TENM3: variants seen among roughly 807,000 people sequenced by gnomAD.
TENM3 encodes the protein teneurin transmembrane protein 3.
TENM3 carries 63 observed loss-of-function variants against 255.1 expected under a neutral mutation model. The observed-to-expected ratio is 0.25, with a 90% CI of 0.20 to 0.30. The LOEUF (loss-of-function observed/expected upper bound fraction) is 0.30, where lower values mean the gene tolerates loss of function less well. Ranked by LOEUF, TENM3 falls within the 10% of genes least tolerant of loss-of-function variation. The pLI is 1.00. For synonymous variants in TENM3, 1,306 were observed against 1,322.3 expected, an observed-to-expected ratio of 0.99 and a Z score of 0.27; for missense variants, 2,929 against 3,461.1, an observed-to-expected ratio of 0.85 and a Z score of 3.86.
chr4:182,071,731 G>A, the TENM3 span, among the ~76,000 whole-genome samples: 2 of 151,972 alleles, frequency 1.3e-5, no homozygotes, highest in South Asian at 2.1e-4. Flanking sequence ...ATGAACATTC[G>A]AATTGTTCTC....
chr4:182,025,580 T>C, the TENM3 span, among the ~76,000 whole-genome samples: 8 of 152,186 alleles, frequency 5.3e-5, no homozygotes, highest in African/African-American at 1.9e-4. Flanking sequence ...CCATTTTTAG[T>C]TTTTTGAGGC....
chr4:182,512,606 A>G (rs1737528696), intron 3 of TENM3, among the ~76,000 whole-genome samples: 1 of 152,202 alleles, frequency 6.6e-6, no homozygotes, highest in Non-Finnish European at 1.5e-5. Context: ...AAAACATTTG[A>G]TTATTACCTT....
Position 182,161,813 on chromosome 4 carries a change from A to G in TENM3, c.-76+17059A>G, listed in dbSNP as rs370642716. Among the ~76,000 whole-genome samples, 75 of 43,212 alleles carry G rather than the reference A, an allele frequency of 1.7e-3. 13 individuals are homozygous for G. Among genetic ancestry groups the G allele is most frequent in the East Asian group, 0.014 (9 of 624 alleles). 28.3% of individuals were successfully genotyped at this position (43,212 alleles called of 152,430 possible). ...TATATGTATATATATACACATATAT[A>G]TGTATATATATACACATATATATGT... On this transcript the variant is annotated intron_variant, in intron 1 of 2. Transcript: ENST00000512480.
chr4:181,850,114 T>C, the TENM3 span, among the ~76,000 whole-genome samples: 1 of 151,982 alleles, frequency 6.6e-6, no homozygotes, highest in East Asian at 1.9e-4. Flanking sequence ...CTTCCCATAT[T>C]TCCCAATTCA....
chr4:181,646,970 T>C, the TENM3 span, among the ~76,000 whole-genome samples: 1 of 152,162 alleles, frequency 6.6e-6, no homozygotes, highest in Non-Finnish European at 1.5e-5. Context: ...GGGAAATAAC[T>C]CATTATTTTA....
chr4:182,513,221 A>T (rs1255606223), intron 3 of TENM3, among the ~76,000 whole-genome samples: 1 of 152,200 alleles, frequency 6.6e-6, no homozygotes, highest in Non-Finnish European at 1.5e-5. Context: ...CTGCTATTAA[A>T]AGGCAAGTAA....
rs74960759 is a variant in TENM3, at chr4:182,401,608, T to G, written c.511+54679T>G. On this transcript the variant is annotated intron_variant, in intron 3 of 27. Coordinates refer to ENST00000511685, the MANE Select transcript of TENM3 (RefSeq NM_001080477.4). ...TCTGTTTTATCAAAATGGCTTTCAGTTTTTTTTCAGGTCCACAGATGAGTA... is the reference window on the plus strand; with the variant it reads ...TCTGTTTTATCAAAATGGCTTTCAGGTTTTTTTCAGGTCCACAGATGAGTA... Among the ~76,000 whole-genome samples the G allele has an allele frequency of 4.7e-3, 709 of 152,056 alleles. 10 individuals are homozygous for G. Among genetic ancestry groups the G allele is most frequent in the African/African-American group, 0.016 (666 of 41,462 alleles).
intron 19 of TENM3, among the ~76,000 whole-genome samples, chr4:182,745,500 G>A (rs774948785): frequency 1.1e-4 from 17 of 152,228 alleles, no homozygotes; most frequent in East Asian, 5.8e-4. Flanking sequence ...TTTAACAAGC[G>A]GGCCTATTCC....
At chr4:182,743,447 A>G (rs563712659) in intron 19 of TENM3, 28 bp downstream of exon 19, 37 of 1,606,624 alleles carry the variant, frequency 2.3e-5, no homozygotes, top group Non-Finnish European at 2.6e-5. Flanking sequence ...TTGGGCTTTT[A>G]ACCAAAGCTA....
intron 19 of TENM3, among the ~76,000 whole-genome samples, chr4:182,748,139 T>TA (rs1262790917): frequency 6.6e-6 from 1 of 152,240 alleles, no homozygotes; most frequent in Non-Finnish European, 1.5e-5. Flanking sequence ...GATGTCTTGA[T>TA]AATTGTGATG....
the TENM3 span, among the ~76,000 whole-genome samples, chr4:182,018,826 A>G: frequency 6.6e-6 from 1 of 152,218 alleles, no homozygotes; most frequent in Non-Finnish European, 1.5e-5. Flanking sequence ...CATGGTACAT[A>G]ACCTCATCTG....
the TENM3 span, among the ~76,000 whole-genome samples, chr4:181,544,846 G>A: frequency 6.6e-6 from 1 of 152,176 alleles, no homozygotes; most frequent in Non-Finnish European, 1.5e-5. Flanking sequence ...ACAGTGCTGT[G>A]AAAAACAGTG....
At chr4:181,523,109 AG>A in the TENM3 span, 3 of 465,372 alleles carry the variant, frequency 6.4e-6, no homozygotes. Context: ...CTATTTTGTT[AG>A]TTTAACATCA....
intron 6 of TENM3, among the ~76,000 whole-genome samples, chr4:182,667,121 A>G (rs1754762407): frequency 6.6e-6 from 1 of 152,158 alleles, no homozygotes; most frequent in Non-Finnish European, 1.5e-5. Flanking sequence ...GGAAATAGCC[A>G]CCATATAATT....
At chr4:181,924,119 C>T in the TENM3 span, among the ~76,000 whole-genome samples, 2 of 152,150 alleles carry the variant, frequency 1.3e-5, no homozygotes, top group African/African-American at 4.8e-5. Flanking sequence ...TGTCAAGTCT[C>T]TCTCTGGGAC....
At chr4:182,320,584 A>G (rs1762993684) in intron 1 of TENM3, among the ~76,000 whole-genome samples, 1 of 152,114 alleles carries the variant, frequency 6.6e-6, no homozygotes, top group Non-Finnish European at 1.5e-5. Flanking sequence ...CCTCATCATA[A>G]TCTTACTACA....
At chr4:181,454,233 A>G in the TENM3 span, among the ~76,000 whole-genome samples, 1 of 152,132 alleles carries the variant, frequency 6.6e-6, no homozygotes, top group Non-Finnish European at 1.5e-5. Flanking sequence ...CTACATCATG[A>G]AATACCCCTC....
chr4:181,982,495 C>G, the TENM3 span, among the ~76,000 whole-genome samples: 7 of 152,158 alleles, frequency 4.6e-5, no homozygotes, highest in Non-Finnish European at 1.0e-4. Context: ...TCCATTCAGT[C>G]AGATGCTCTC....
chr4:181,650,394 G>A, the TENM3 span, among the ~76,000 whole-genome samples: 1 of 152,108 alleles, frequency 6.6e-6, no homozygotes, highest in East Asian at 1.9e-4. Flanking sequence ...TAATACACTT[G>A]TCTGCTACAT....
Sources: gnomAD v4.1 joint callset for allele counts (sites outside exome capture counted in the v4.1 genomes callset) on GRCh38, gnomAD v4.1.1 for gene constraint, MANE v1.5 for transcripts, NCBI Gene and HGNC (gene_info 2026-07-23, HGNC 2026-07-21) for gene names.